TRMT44: variants seen among roughly 807,000 people sequenced by gnomAD.
TRMT44 encodes the protein tRNA methyltransferase 44 homolog.
TRMT44 carries 78 observed loss-of-function variants against 77.3 expected under a neutral mutation model. The ratio of observed to expected loss-of-function variants is 1.01; its 90% confidence interval spans 0.84 to 1.22. The LOEUF (loss-of-function observed/expected upper bound fraction) is 1.22, where lower values mean the gene tolerates loss of function less well. Ranked by LOEUF, TRMT44 falls within the 50% of genes most tolerant of loss-of-function variation. The pLI is 0.00. For missense variants in TRMT44, 1,090 were observed against 964.4 expected (o/e 1.13, Z -1.73); for synonymous variants, 391 against 383.3 (o/e 1.02, Z -0.23).
the TRMT44 span, among the ~76,000 whole-genome samples, chr4:8,516,732 C>T: frequency 6.6e-6 from 1 of 152,114 alleles, no homozygotes; most frequent in African/African-American, 2.4e-5. Context: ...CAGCCAAGAT[C>T]GCACCATTGC....
chr4:8,462,493 T>C (rs781297718), intron 6 of TRMT44, among the ~76,000 whole-genome samples: 7 of 151,844 alleles, frequency 4.6e-5, no homozygotes, highest in Non-Finnish European at 7.4e-5. Context: ...GATCACGAGG[T>C]CACGAGATCG....
chr4:8,484,967 A>T (rs181704607), intron 2 of TRMT44, among the ~76,000 whole-genome samples: 1 of 152,230 alleles, frequency 6.6e-6, no homozygotes, highest in African/African-American at 2.4e-5. Context: ...GGGATACCCG[A>T]TATCCTTTGG....
In TRMT44 at chr4:8,444,475, G is replaced by A. The variant is rs1724940831; in HGVS notation, c.620-2001G>A. Among the ~76,000 whole-genome samples the A allele has an allele frequency of 1.3e-5, 2 of 150,678 alleles. No homozygotes were observed. Among genetic ancestry groups the A allele is most frequent in the South Asian group, 4.2e-4 (2 of 4,804 alleles). ...TGCAGTGGTGTGATTTCAGCTCACT[G>A]CAACCTCCGCCTCCTGGGTTCGAGC... On this transcript the variant is annotated intron_variant, in intron 1 of 10. Coordinates refer to ENST00000389737, the MANE Select transcript of TRMT44 (RefSeq NM_152544.3). The surrounding 1 kb of genome is among the most constrained non-coding windows in gnomAD (Gnocchi z 4.0).
intron 1 of TRMT44, among the ~76,000 whole-genome samples, chr4:8,443,733 G>A (rs778751111): frequency 5.3e-4 from 80 of 152,106 alleles, no homozygotes; most frequent in Non-Finnish European, 8.7e-4. Flanking sequence ...GATCACGAAG[G>A]TCTTAAGAGT....
chr4:8,468,116 G>A lies in TRMT44; in HGVS notation c.1697G>A (p.Cys566Tyr). ...CAAGCTCTGGACGCCAGGGTCGGGTGTGTAACCAGGGCCTGGGCCGCTGAG... is the reference window on the plus strand; with the variant it reads ...CAAGCTCTGGACGCCAGGGTCGGGTATGTAACCAGGGCCTGGGCCGCTGAG... ...GQQALDARVG[C>Y]VTRAWAAEHG... is the part of the protein sequence containing the mutation. Residue 566 changes from cysteine to tyrosine, a missense_variant, in exon 9 of 11, where the codon TGT becomes TAT. Coordinates refer to ENST00000389737, the MANE Select transcript of TRMT44 (RefSeq NM_152544.3). 6.2e-7 allele frequency: 1 copy of A among 1,613,918 alleles called. No homozygotes were observed. Among genetic ancestry groups the A allele is most frequent in the Non-Finnish European group, 8.5e-7 (1 of 1,179,966 alleles).
At position 8,492,366 on chromosome 4, in the gene TRMT44, C is replaced by T. The variant is rs539520687; in HGVS notation, n.3892-900C>T. Among the ~76,000 whole-genome samples, 9 of 152,218 alleles carry T rather than the reference C, an allele frequency of 5.9e-5. No homozygotes were observed. In the South Asian group the frequency reaches 1.0e-3, roughly 18 times the overall value. On this transcript the variant is annotated intron_variant and non_coding_transcript_variant, in intron 2 of 2. Transcript: ENST00000511366. ...TACTTTTTGCTCTGGCCATGACCGC[C>T]GTGGTGCTGAAACCGCCTCTGCAAA...
intron 2 of TRMT44, among the ~76,000 whole-genome samples, chr4:8,483,366 G>A (rs1311491095): frequency 2.6e-5 from 4 of 152,074 alleles, no homozygotes; most frequent in East Asian, 1.9e-4. Flanking sequence ...AGTTGAGAAC[G>A]GTGAATAGGA....
chr4:8,484,871 A>C (rs903077023), intron 2 of TRMT44, among the ~76,000 whole-genome samples: 1 of 152,222 alleles, frequency 6.6e-6, no homozygotes, highest in Admixed American at 6.5e-5. Flanking sequence ...TTAGTTGGAC[A>C]TGAGCGGCAG....
In TRMT44 at chr4:8,446,216, C is replaced by T. The variant is rs1725045861; in HGVS notation, c.620-260C>T. Among the ~76,000 whole-genome samples, 1 of 152,214 alleles carries T rather than the reference C, an allele frequency of 6.6e-6. No homozygotes were observed. Among genetic ancestry groups the T allele is most frequent in the African/African-American group, 2.4e-5 (1 of 41,448 alleles). On this transcript the variant is annotated intron_variant, in intron 1 of 10. Transcript: ENST00000389737. The surrounding 1 kb of genome is among the most constrained non-coding windows in gnomAD (Gnocchi z 4.3). Reference sequence around the variant, plus strand: ...CAAGTTCCAATAGAGTCCACATTGGCTGGCTCTTCCCTCAGGTCCTGGCTC... The same window carrying T: ...CAAGTTCCAATAGAGTCCACATTGGTTGGCTCTTCCCTCAGGTCCTGGCTC...
the TRMT44 span, chr4:8,507,523 A>G: frequency 6.5e-6 from 1 of 153,468 alleles, no homozygotes; most frequent in East Asian, 1.9e-4. Flanking sequence ...TTCTGGGACC[A>G]TCCTGCCATC....
chr4:8,487,382 G>A (rs1170294478), intron 2 of TRMT44, among the ~76,000 whole-genome samples: 1 of 152,082 alleles, frequency 6.6e-6, no homozygotes, highest in Admixed American at 6.5e-5. Context: ...AAGGGGTTCG[G>A]GGGTTCTTAC....
At chr4:8,449,949 C>CTTTTCTTTTCTTT (rs761311536) in intron 3 of TRMT44, 61 bp downstream of exon 3, 68 of 238,978 alleles carry the variant, frequency 2.8e-4, no homozygotes, top group South Asian at 1.1e-3. Context: ...CTTTTCTTTT[C>CTTTTCTTTTCTTT]TTTTTTTTTT....
the TRMT44 span, among the ~76,000 whole-genome samples, chr4:8,498,624 G>GGT: frequency 6.6e-6 from 1 of 152,266 alleles, no homozygotes; most frequent in South Asian, 2.1e-4. The surrounding 1 kb of genome is among the most constrained non-coding windows in gnomAD (Gnocchi z 4.3). Flanking sequence ...GATAAAATGC[G>GGT]GTGTCTCCCC....
rs375825598 is a variant in TRMT44, at chr4:8,485,075, A to G, written n.3891+5542A>G. ...CAATATATTGAATAAGGTGAGAAGC[A>G]GAGGGGTGGAAATAAAGTAAATCAT... On this transcript the variant is annotated intron_variant and non_coding_transcript_variant, in intron 2 of 2. Coordinates refer to the TRMT44 transcript ENST00000511366. Among the ~76,000 whole-genome samples, 18 of 152,326 alleles carry G rather than the reference A, an allele frequency of 1.2e-4. No homozygotes were observed. The East Asian group carries it at 2.9e-3, about 25-fold the overall frequency.
At chr4:8,478,164 G>A (rs1238991321), downstream of TRMT44, 1 of 152,842 alleles carries the variant, frequency 6.5e-6, no homozygotes, top group Admixed American at 6.5e-5. Context: ...GGTGCTGCTG[G>A]ACTCCAAACC....
intron 5 of TRMT44, chr4:8,453,715 G>A (rs897424331): frequency 1.3e-5 from 2 of 152,256 alleles, no homozygotes; most frequent in South Asian, 2.1e-4. Context: ...ACCCCTCCTG[G>A]TGCGTCCAGC....
downstream of TRMT44, among the ~76,000 whole-genome samples, chr4:8,498,075 G>A (rs1333766304): frequency 1.3e-5 from 2 of 152,214 alleles, no homozygotes; most frequent in African/African-American, 4.8e-5. The surrounding 1 kb of genome is among the most constrained non-coding windows in gnomAD (Gnocchi z 4.3). Context: ...CTCAGTGGAA[G>A]ACGTCAGGAG....
At chr4:8,503,668 A>G in the TRMT44 span, among the ~76,000 whole-genome samples, 1 of 152,218 alleles carries the variant, frequency 6.6e-6, no homozygotes, top group East Asian at 1.9e-4. Flanking sequence ...CCTGCCATCA[A>G]CGGGAGTCAG....
rs149314248 is a variant in TRMT44 at position 8,471,140 on chromosome 4, C to G, written c.1984C>G (p.Leu662Val). Residue 662 changes from leucine (L) to valine (V), a missense_variant, in exon 10 of 11, where the codon CTG (leucine) becomes GTG (valine). By Grantham distance (32) the Leu-to-Val change is conservative. Coordinates refer to ENST00000389737, the MANE Select transcript of TRMT44 (RefSeq NM_152544.3). ...GCTGGACACGGAGACCCTGCGGAGGCTGAAGCGGGAGTGTGGGGGCCTGCA... is the reference window on the plus strand; with the variant it reads ...GCTGGACACGGAGACCCTGCGGAGGGTGAAGCGGGAGTGTGGGGGCCTGCA... ...NELDTETLRRLKRECGGLQTL... is the reference protein window; with the variant it reads ...NELDTETLRRVKRECGGLQTL... 1.1e-3 allele frequency: 1,751 copies of G among 1,611,348 alleles called. No individual in the cohort carries two copies. The highest frequency in any genetic ancestry group is 1.3e-3 in the Non-Finnish European group (1,505 of 1,178,598).
Sources: allele counts gnomAD v4.1 joint callset (sites outside exome capture counted in the v4.1 genomes callset), GRCh38; gene constraint gnomAD v4.1.1; non-coding constraint Gnocchi (gnomAD v3.1); transcripts MANE v1.5; gene names NCBI Gene and HGNC (gene_info 2026-07-23, HGNC 2026-07-21).